Variants in PLEKHH1 observed in about 807,000 individuals in gnomAD.
PLEKHH1 encodes the protein pleckstrin homology domain-containing family H member 1.
A neutral mutation model predicts 160.0 loss-of-function variants in PLEKHH1; 104 were observed. That is an observed-to-expected ratio of 0.65 (90% CI 0.55 to 0.76). The LOEUF (loss-of-function observed/expected upper bound fraction) is 0.76, where lower values mean the gene tolerates loss of function less well. Among genes scored for constraint, PLEKHH1 ranks in the 30% least tolerant of loss-of-function variants. PLEKHH1 has a pLI of 0.00. For synonymous variants in PLEKHH1, 619 were observed against 678.4 expected, an observed-to-expected ratio of 0.91 and a Z score of 1.36; for missense variants, 1,427 against 1,724.1, an observed-to-expected ratio of 0.83 and a Z score of 3.05.
chr14:67,544,941 G>T (rs1326662041), intron 2 of PLEKHH1, among the ~76,000 whole-genome samples: 1 of 152,236 alleles, frequency 6.6e-6, no homozygotes, highest in African/African-American at 2.4e-5. Flanking sequence ...CAAACTTGAT[G>T]AAAGATGTGA....
In PLEKHH1 at chr14:67,561,416, T is replaced by C. The variant is rs370366359; in HGVS notation, c.424-538T>C. 1.8e-3 allele frequency among the ~76,000 whole-genome samples: 270 copies of C among 152,238 alleles called. 2 individuals are homozygous for C. The highest frequency in any genetic ancestry group is 6.6e-3 in the South Asian group (32 of 4,822). On this transcript the variant is annotated intron_variant, in intron 5 of 28. Coordinates refer to ENST00000329153, the MANE Select transcript of PLEKHH1 (RefSeq NM_020715.3). ...AAATACAAAAATTAGCCGGGCATAG[T>C]GGCGTGCACCTGTAGTCCCAGCTAC...
rs200898221 is a variant in PLEKHH1 at position 67,586,080 on chromosome 14, C to T, written c.3916C>T (p.Arg1306Trp). The T allele has an allele frequency of 7.8e-5, 126 of 1,613,776 alleles. No homozygotes were observed. Among genetic ancestry groups the T allele is most frequent in the Non-Finnish European group, 9.8e-5 (116 of 1,179,864 alleles). Residue 1306 changes from arginine to tryptophan, a missense_variant, in exon 28 of 29, where the codon CGG (arginine) becomes TGG (tryptophan). Transcript: ENST00000329153. ...GKSHIEKLIF[R>W]MAAPKIAEAT... ...AAGCCACATTGAGAAGTTGATCTTC[C>T]GGATGGCTGCTCCCAAGGTAGGTCT...
In PLEKHH1 at chr14:67,562,184, G is replaced by A. The variant is rs545474300; in HGVS notation, c.553G>A (p.Ala185Thr). Residue 185 changes from alanine to threonine, a missense_variant, in exon 7 of 29, where the codon GCT (alanine) becomes ACT (threonine). Transcript: ENST00000329153. ...GAAGCTGCTGGTGCCCCCCTACGGA[G>A]CTGCAGAGCAGGATTCTGTCCCTTC... ...SRKLLVPPYGAAEQDSVPSEP... is the reference protein window; with the variant it reads ...SRKLLVPPYGTAEQDSVPSEP... The A allele has an allele frequency of 3.9e-5, 63 of 1,611,656 alleles. No individual in the cohort carries two copies. The South Asian group carries it at 6.1e-4, about 16-fold the overall frequency.
intron 3 of PLEKHH1, 148 bp downstream of exon 3, chr14:67,556,035 G>C (rs953150592): frequency 1.5e-5 from 16 of 1,072,796 alleles, no homozygotes; most frequent in Non-Finnish European, 2.2e-5. Flanking sequence ...CTTTCTGTGG[G>C]AGTAGAGTCT....
chr14:67,533,624 C>T (rs1193869516), intron 1 of PLEKHH1: 1 of 152,108 alleles, frequency 6.6e-6, no homozygotes. Context: ...GAGGAGCCTC[C>T]CCCGGGAGTA....
rs753583020 is a variant in PLEKHH1 at position 67,575,940 on chromosome 14, A to G, written c.2287A>G (p.Thr763Ala). 9.9e-6 allele frequency: 16 copies of G among 1,613,758 alleles called. No individual in the cohort carries two copies. Among genetic ancestry groups the G allele is most frequent in the African/African-American group, 1.3e-5 (1 of 74,896 alleles). ...CAGACGGTTGCTTTCCTCCCACTGC[A>G]CCCTGGTGATCCACCCCACAGAGCA... ...GTRRLLSSHC[T>A]LVIHPTEHSP... The change falls in exon 16 of 29, where the codon ACC becomes GCC. Residue 763 changes from threonine to alanine, a missense_variant. This residue lies in a region of PLEKHH1 where 436 missense variants were observed against 607.5 expected (regional missense o/e 0.72). Transcript: ENST00000329153.
Position 67,555,895 on chromosome 14 carries a change from G to C in PLEKHH1, c.189+8G>C. The C allele has an allele frequency of 1.2e-6, 2 of 1,613,236 alleles. No individual in the cohort carries two copies. Among genetic ancestry groups the C allele is most frequent in the Non-Finnish European group, 1.7e-6 (2 of 1,179,548 alleles). Reference sequence around the variant, plus strand: ...GAGAACGCTGAGACCCAGGTAACCAGGGGAGGGGATCGGCGGGAATATGCA... The same window carrying C: ...GAGAACGCTGAGACCCAGGTAACCACGGGAGGGGATCGGCGGGAATATGCA... On this transcript the variant is annotated splice_region_variant and intron_variant, in intron 3 of 28. Coordinates refer to ENST00000329153, the MANE Select transcript of PLEKHH1 (RefSeq NM_020715.3).
chr14:67,541,751 T>G, intron 1 of PLEKHH1, 83 bp from the exon 2 acceptor site: 1 of 916,634 alleles, frequency 1.1e-6, no homozygotes, highest in Non-Finnish European at 1.6e-6. Flanking sequence ...TCTCTGTCCT[T>G]TGGTCCCCTC....
In PLEKHH1 at chr14:67,588,054, ATG is replaced by A. The variant is rs2036248285; in HGVS notation, c.*821_*822del. 1 of 152,610 alleles carries A rather than the reference ATG, an allele frequency of 6.6e-6. No homozygotes were observed. The highest frequency in any genetic ancestry group is 1.5e-5 in the Non-Finnish European group (1 of 68,052). 9.5% of individuals were successfully genotyped at this position (152,610 alleles called of 1,614,324 possible). On this transcript the variant is annotated 3_prime_UTR_variant, in exon 29 of 29. Coordinates refer to ENST00000329153, the MANE Select transcript of PLEKHH1 (RefSeq NM_020715.3). ...AGACTCATTTTTCCCCATTATTGGT[ATG>A]TAGGCATTGGTACAGCCCCTTCTGG...
chr14:67,550,093 G>A (rs573439209), intron 2 of PLEKHH1, among the ~76,000 whole-genome samples: 6 of 150,240 alleles, frequency 4.0e-5, no homozygotes, highest in Admixed American at 2.0e-4. Flanking sequence ...TCCCAGCTCC[G>A]TATTTGTGTA....
At chr14:67,550,017 C>T (rs1297119411) in intron 2 of PLEKHH1, among the ~76,000 whole-genome samples, 10 of 152,188 alleles carry the variant, frequency 6.6e-5, no homozygotes, top group Non-Finnish European at 1.5e-5. Flanking sequence ...CCCCATGTGG[C>T]CCAGAGAGGT....
intron 9 of PLEKHH1, chr14:67,571,323 C>T (rs1324868023): frequency 1.2e-5 from 2 of 164,834 alleles, no homozygotes; most frequent in African/African-American, 4.8e-5. Context: ...CCCCCATCTT[C>T]TCCCCATACT....
At chr14:67,535,681 C>T (rs978464289) in intron 1 of PLEKHH1, among the ~76,000 whole-genome samples, 1 of 151,918 alleles carries the variant, frequency 6.6e-6, no homozygotes, top group African/African-American at 2.4e-5. Context: ...TGCCCAGCCT[C>T]GTGAGCACAT....
chr14:67,573,331 G>A lies in PLEKHH1; in HGVS notation c.1784G>A (p.Trp595Ter). ...AAAATGGGGAGCCAGGTGAAGACGT[G>A]GAAGAGGCGCTGGTTTGTCCTGAGA... Reference protein sequence around the residue: ...LLKMGSQVKTWKRRWFVLRQG... With the variant: ...LLKMGSQVKT The change falls in exon 12 of 29, where the codon TGG (tryptophan) becomes TAG (stop). Residue 595 changes from tryptophan (W) to a stop codon, truncating the protein, a stop_gained. Transcript: ENST00000329153. LOFTEE classifies it high-confidence loss of function. This position sits in a 1 kb window ranked among gnomAD's most constrained non-coding sequence, Gnocchi z 4.8. 6.2e-7 allele frequency: 1 copy of A among 1,613,782 alleles called. No individual in the cohort carries two copies. Among genetic ancestry groups the A allele is most frequent in the South Asian group, 1.1e-5 (1 of 91,072 alleles).
chr14:67,581,058 G>A lies in PLEKHH1; in HGVS notation c.3284+20G>A. 1 of 1,515,104 alleles carries A rather than the reference G, an allele frequency of 6.6e-7. No individual in the cohort carries two copies. Among genetic ancestry groups the A allele is most frequent in the South Asian group, 1.1e-5 (1 of 89,030 alleles). 93.9% of individuals were successfully genotyped at this position (1,515,104 alleles called of 1,614,324 possible). A position where few individuals can be genotyped will look rare whatever the true frequency, so the allele number is the denominator to read the frequency against. On this transcript the variant is annotated intron_variant, in intron 23 of 28. Transcript: ENST00000329153. ...GAACAGGTCCTAAGCACTGCACGAG[G>A]GTGGGGCCAAACACAAGGGCTGCCA...
intron 5 of PLEKHH1, among the ~76,000 whole-genome samples, chr14:67,560,692 T>G (rs1347984128): frequency 1.3e-5 from 2 of 150,394 alleles, no homozygotes; most frequent in Admixed American, 6.6e-5. Context: ...ATAAAAGGAG[T>G]GGGAATTGCA....
intron 21 of PLEKHH1, 183 bp from the exon 22 acceptor site, chr14:67,579,538 C>G (rs2035790494): frequency 9.1e-6 from 6 of 659,486 alleles, no homozygotes; most frequent in Non-Finnish European, 1.5e-5. Context: ...AGTTCATTTA[C>G]AGTGGATAAG....
rs777438690 is a variant in PLEKHH1, at chr14:67,562,127, C to T, written c.506-10C>T. On this transcript the variant is annotated splice_polypyrimidine_tract_variant and intron_variant, in intron 6 of 28. Transcript: ENST00000329153. Reference sequence around the variant, plus strand: ...AGCTCTCAATGTGACTGTTTTTACCCGAATCACAGCTATTCAGATAGCTCC... The same window carrying T: ...AGCTCTCAATGTGACTGTTTTTACCTGAATCACAGCTATTCAGATAGCTCC... The T allele has an allele frequency of 1.6e-5, 25 of 1,610,560 alleles. No individual in the cohort carries two copies. The highest frequency in any genetic ancestry group is 1.6e-4 in the Middle Eastern group (1 of 6,066).
At position 67,563,441 on chromosome 14, in the gene PLEKHH1, T is replaced by C. The variant is rs535082362; in HGVS notation, c.1263+547T>C. Among the ~76,000 whole-genome samples the C allele has an allele frequency of 7.8e-4, 110 of 141,644 alleles. 1 individual carries two copies. Among genetic ancestry groups the C allele is most frequent in the African/African-American group, 2.8e-3 (103 of 36,922 alleles). 92.9% of individuals were successfully genotyped at this position (141,644 alleles called of 152,430 possible). ...TTTTTCTTTTCTTTTTTTTGGGGGG[T>C]GGGGGTGAGGGGGCAGAGTTTCACT... On this transcript the variant is annotated intron_variant, in intron 7 of 28. Transcript: ENST00000329153.
Sources: gnomAD v4.1 joint callset for allele counts (sites outside exome capture counted in the v4.1 genomes callset) on GRCh38, gnomAD v4.1.1 for gene constraint, gnomAD v4.1.1 regional missense constraint, Gnocchi (gnomAD v3.1) non-coding constraint, MANE v1.5 for transcripts, NCBI Gene and HGNC (gene_info 2026-07-23, HGNC 2026-07-21) for gene names.